OVCH1: variants seen among roughly 807,000 people sequenced by gnomAD.
OVCH1 encodes the protein ovochymase 1.
In OVCH1, 139 loss-of-function variants were observed where a neutral mutation model predicts 138.4. That is an observed-to-expected ratio of 1.00 (90% CI 0.87 to 1.16). The LOEUF is 1.16. Among genes scored for constraint, OVCH1 ranks in the 50% most tolerant of loss-of-function variants. The probability of loss-of-function intolerance (pLI) is 0.00; values close to 1 mark genes in which losing one functional copy is unlikely to be tolerated. For missense variants in OVCH1, 1,367 were observed against 1,357.9 expected, an observed-to-expected ratio of 1.01 and a Z score of -0.11; for synonymous variants, 453 against 467.8, an observed-to-expected ratio of 0.97 and a Z score of 0.41.
At chr12:29,416,961 G>T (rs999210341) in intron 3 of OVCH1, among the ~76,000 whole-genome samples, 2 of 152,188 alleles carry the variant, frequency 1.3e-5, no homozygotes, top group Non-Finnish European at 2.9e-5. Context: ...ACCATGGAAT[G>T]CTATTCATGT....
downstream of OVCH1, among the ~76,000 whole-genome samples, chr12:29,409,945 G>A (rs1940932259): frequency 6.6e-6 from 1 of 152,124 alleles, no homozygotes; most frequent in Non-Finnish European, 1.5e-5. Flanking sequence ...GGGAGTCTAA[G>A]TTTCTTTGTA....
chr12:29,404,125 T>G, the OVCH1 span, among the ~76,000 whole-genome samples: 1 of 152,356 alleles, frequency 6.6e-6, no homozygotes, highest in African/African-American at 2.4e-5. Context: ...TGTTATGCAT[T>G]TCTTTTCCCA....
intron 19 of OVCH1, among the ~76,000 whole-genome samples, chr12:29,455,725 G>A (rs1390597755): frequency 6.6e-6 from 1 of 152,166 alleles, no homozygotes; most frequent in Non-Finnish European, 1.5e-5. Flanking sequence ...TAGTAAAACT[G>A]TAATATTTAA....
At chr12:29,445,991 C>A (rs1297372801) in intron 22 of OVCH1, among the ~76,000 whole-genome samples, 1 of 152,072 alleles carries the variant, frequency 6.6e-6, no homozygotes, top group African/African-American at 2.4e-5. Flanking sequence ...TTAAATGTCA[C>A]CTGCTCAGAG....
chr12:29,452,948 A>G lies in OVCH1; in HGVS notation c.2531-1379T>C, dbSNP rs553162600. Among the ~76,000 whole-genome samples, 6 of 152,296 alleles carry G rather than the reference A, an allele frequency of 3.9e-5. No homozygotes were observed. In the East Asian group the frequency reaches 1.2e-3, roughly 29 times the overall value. On this transcript the variant is annotated intron_variant, in intron 21 of 27. Coordinates refer to ENST00000318184, the Ensembl canonical transcript of OVCH1. ...TTTTTGGCGTGCATAACCATTTCTG[A>G]ACATATTTAAAAGAGAAACATTTTC... is the stretch of plus-strand genomic sequence containing the variant.
intron 14 of OVCH1, among the ~76,000 whole-genome samples, chr12:29,474,074 T>TACACACACAC (rs146655743): frequency 0.014 from 2,032 of 145,206 alleles, 15 homozygotes; most frequent in Non-Finnish European, 0.019. Flanking sequence ...CACACACACA[T>TACACACACAC]ACACACACAC....
rs569744555 is a variant in OVCH1 at position 29,472,386 on chromosome 12, T to G, written c.1676-404A>C. Among the ~76,000 whole-genome samples, 20 of 152,312 alleles carry G rather than the reference T, an allele frequency of 1.3e-4. No homozygotes were observed. In the East Asian group the frequency reaches 3.9e-3, roughly 29 times the overall value. On this transcript the variant is annotated intron_variant, in intron 15 of 27. Coordinates refer to ENST00000318184, the Ensembl canonical transcript of OVCH1. ...ACATAAGGTTCTTCATTATATCTTC[T>G]TGTTTTAGTTCTTGTTCTCACTGTA...
Position 29,475,177 on chromosome 12 carries a change from CCA to C in OVCH1, c.1482_1483del (p.Cys494TrpfsTer12), listed in dbSNP as rs774871517. 1 of 1,480,830 alleles carries C rather than the reference CCA, an allele frequency of 6.8e-7. No individual in the cohort carries two copies. The highest frequency in any genetic ancestry group is 1.5e-5 in the African/African-American group (1 of 68,852). The allele number at this position is 1,480,830 out of a possible 1,614,324, so 91.7% of individuals were successfully genotyped here. A position where few individuals can be genotyped will look rare whatever the true frequency, so the allele number is the denominator to read the frequency against. Reference sequence around the variant, plus strand: ...GAATATTGAAGTGATGGTCAACATTCCACAAAGTTTAGCTGAAAAAATTTTAG... The same window carrying C: ...GAATATTGAAGTGATGGTCAACATTCCAAAGTTTAGCTGAAAAAATTTTAG... On this transcript the variant is annotated frameshift_variant, in exon 14 of 28. Coordinates refer to ENST00000318184, the Ensembl canonical transcript of OVCH1. LOFTEE classifies it high-confidence loss of function.
chr12:29,418,874 TTA>T (rs1941065369), intron 3 of OVCH1, among the ~76,000 whole-genome samples: 1 of 152,232 alleles, frequency 6.6e-6, no homozygotes, highest in Admixed American at 6.5e-5. Flanking sequence ...CTTTTTAGAA[TTA>T]GAGATATGGT....
intron 1 of OVCH1, among the ~76,000 whole-genome samples, chr12:29,497,049 T>C (rs907465410): frequency 1.3e-5 from 2 of 152,142 alleles, no homozygotes; most frequent in Admixed American, 6.5e-5. Context: ...GGTAGGCTGA[T>C]CACTTGAACC....
chr12:29,493,298 A>G (rs1056140009), intron 4 of OVCH1, among the ~76,000 whole-genome samples: 1 of 152,130 alleles, frequency 6.6e-6, no homozygotes, highest in Non-Finnish European at 1.5e-5. Flanking sequence ...CGTTTTTGGT[A>G]ATGTGTCTTT....
downstream of OVCH1, among the ~76,000 whole-genome samples, chr12:29,411,077 C>G (rs1182906261): frequency 7.6e-6 from 1 of 131,658 alleles, no homozygotes; most frequent in Non-Finnish European, 1.7e-5. Flanking sequence ...CGCTGATACC[C>G]TTTCTTCCAG....
At chr12:29,475,129 A>C (rs1406930955) in exon 14 of OVCH1, 1 of 1,566,984 alleles carries the variant, frequency 6.4e-7, no homozygotes, top group Non-Finnish European at 8.7e-7. Context: ...TTTAAAGTAT[A>C]TCACCGTCAT....
intron 7 of OVCH1, among the ~76,000 whole-genome samples, chr12:29,486,709 G>A (rs575115806): frequency 1.6e-4 from 25 of 152,296 alleles, no homozygotes; most frequent in Admixed American, 1.3e-4. Flanking sequence ...AATAGAAGAT[G>A]AGAAGCTTAG....
At chr12:29,470,698 T>C (rs1345508824) in intron 16 of OVCH1, among the ~76,000 whole-genome samples, 2 of 152,208 alleles carry the variant, frequency 1.3e-5, no homozygotes, top group African/African-American at 2.4e-5. Context: ...TGTGTCTTTA[T>C]AGTAGAATTA....
At chr12:29,411,912 GAGCCTACAGAGGC>G (rs201258828), downstream of OVCH1, among the ~76,000 whole-genome samples, 13,778 of 151,458 alleles carry the variant, frequency 0.091, 647 homozygotes, top group African/African-American at 0.12. Flanking sequence ...CCCAGAGGTG[GAGCCTACAGAGGC>G]AGGCAGGCCT....
At chr12:29,435,229 G>T (rs1182828945) in intron 26 of OVCH1, among the ~76,000 whole-genome samples, 1 of 152,142 alleles carries the variant, frequency 6.6e-6, no homozygotes, top group Non-Finnish European at 1.5e-5. Context: ...CGTGGCGTGA[G>T]CCTGTAGTCC....
Position 29,484,886 on chromosome 12 carries a change from C to T in OVCH1, c.995+1360G>A, listed in dbSNP as rs377177992. 9.7e-4 allele frequency among the ~76,000 whole-genome samples: 148 copies of T among 152,176 alleles called. 4 individuals carry two copies. In the South Asian group the frequency reaches 0.028, roughly 29 times the overall value. On this transcript the variant is annotated intron_variant, in intron 8 of 27. Coordinates refer to ENST00000318184, the Ensembl canonical transcript of OVCH1. ...ATACAGAGGCCAGTCTGAAGCTGTA[C>T]GATTTATATTAGTCATTTCATCGAT...
intron 25 of OVCH1, 88 bp downstream of exon 25, chr12:29,443,272 AT>A: frequency 7.6e-7 from 1 of 1,324,238 alleles, no homozygotes; most frequent in East Asian, 2.4e-5. Flanking sequence ...TGTATGTCAC[AT>A]GTAAGCCACA....
Sources: gnomAD v4.1 joint callset for allele counts (sites outside exome capture counted in the v4.1 genomes callset) on GRCh38, gnomAD v4.1.1 for gene constraint, MANE v1.5 for transcripts, NCBI Gene and HGNC (gene_info 2026-07-23, HGNC 2026-07-21) for gene names.